The following SPAG16 variants were observed in gnomAD, a reference collection of about 807,000 sequenced individuals.
SPAG16 encodes sperm-associated antigen 16 protein.
Under a neutral mutation model 80.4 loss-of-function variants are expected in SPAG16, and 86 were observed. The observed-to-expected ratio is 1.07, with a 90% CI of 0.90 to 1.28. The LOEUF (loss-of-function observed/expected upper bound fraction) is 1.28. Among genes scored for constraint, SPAG16 ranks in the 50% most tolerant of loss-of-function variants. The pLI, the probability that SPAG16 is intolerant of heterozygous loss-of-function variation, is 0.00. For synonymous variants in SPAG16, 294 were observed against 265.9 expected (o/e 1.11, Z -1.03); for missense variants, 870 against 765.3 (o/e 1.14, Z -1.61).
At chr2:213,403,557 C>G (rs111323860) in intron 9 of SPAG16, among the ~76,000 whole-genome samples, 33,417 of 151,958 alleles carry the variant, frequency 0.22, 4,512 homozygotes, top group Non-Finnish European at 0.31. Flanking sequence ...GGTCGTATCT[C>G]AAAATAATAA....
At chr2:214,177,916 C>CATATATATATATATATACATATATAT (rs2057155018) in intron 15 of SPAG16, among the ~76,000 whole-genome samples, 3 of 92,204 alleles carry the variant, frequency 3.3e-5, no homozygotes, top group African/African-American at 1.4e-4. Context: ...TATATATATA[C>CATATATATATATATATACATATATAT]ATATATATAT....
intron 10 of SPAG16, among the ~76,000 whole-genome samples, chr2:213,540,032 T>TTA (rs1478323202): frequency 1.5e-5 from 2 of 132,708 alleles, no homozygotes; most frequent in African/African-American, 2.7e-5. Flanking sequence ...TTTCTTAATT[T>TTA]TTTTTTTTTT....
At chr2:214,161,307 G>C (rs2056426147) in intron 15 of SPAG16, among the ~76,000 whole-genome samples, 1 of 152,036 alleles carries the variant, frequency 6.6e-6, no homozygotes, top group Non-Finnish European at 1.5e-5. Context: ...TATTCCTTTG[G>C]ATATATACCC....
At chr2:213,406,735 T>C (rs1030466764) in intron 9 of SPAG16, among the ~76,000 whole-genome samples, 2 of 152,104 alleles carry the variant, frequency 1.3e-5, no homozygotes, top group Admixed American at 6.5e-5. Context: ...GAAAATTTTA[T>C]ATGCGAGTGC....
intron 15 of SPAG16, among the ~76,000 whole-genome samples, chr2:214,258,567 C>T (rs954846508): frequency 5.3e-5 from 8 of 150,956 alleles, no homozygotes; most frequent in Admixed American, 5.3e-4. Context: ...CAACTAGTTT[C>T]ATATTTCTGC....
chr2:213,520,072 G>C (rs2075600420), intron 10 of SPAG16, among the ~76,000 whole-genome samples: 1 of 146,236 alleles, frequency 6.8e-6, no homozygotes, highest in Non-Finnish European at 1.5e-5. Flanking sequence ...AGAGGAGAGA[G>C]AGAGAGCAAG....
At position 214,110,594 on chromosome 2, in the gene SPAG16, CAT is replaced by C. The variant is rs556206188; in HGVS notation, c.1593+2336_1593+2337del. 9.9e-5 allele frequency among the ~76,000 whole-genome samples: 15 copies of C among 152,272 alleles called. No individual in the cohort carries two copies. The East Asian group carries it at 2.1e-3, about 22-fold the overall frequency. On this transcript the variant is annotated intron_variant, in intron 14 of 15. Coordinates refer to ENST00000331683, the MANE Select transcript of SPAG16 (RefSeq NM_024532.5). ...CTATTGTGAATAGTGCTGCAATAAA[CAT>C]ATGTGTGCATGCATCTTTAGAGTAG... is the stretch of plus-strand genomic sequence containing the variant.
At chr2:214,083,588 C>T (rs1282639752) in intron 13 of SPAG16, among the ~76,000 whole-genome samples, 2 of 152,154 alleles carry the variant, frequency 1.3e-5, no homozygotes, top group Non-Finnish European at 2.9e-5. Context: ...ACCTCAAGAA[C>T]AGACTCAACT....
chr2:213,917,028 T>C (rs1559585479), intron 11 of SPAG16, among the ~76,000 whole-genome samples: 1 of 152,168 alleles, frequency 6.6e-6, no homozygotes, highest in African/African-American at 2.4e-5. Flanking sequence ...CACATTTTAT[T>C]GAATAGGGAA....
chr2:213,761,865 C>CA (rs2068677761), intron 10 of SPAG16, among the ~76,000 whole-genome samples: 2 of 136,020 alleles, frequency 1.5e-5, no homozygotes, highest in African/African-American at 5.2e-5. Context: ...GATTCCGTGT[C>CA]AAAAAACAAA....
At chr2:213,502,916 T>A (rs1405914612) in intron 10 of SPAG16, among the ~76,000 whole-genome samples, 2 of 152,186 alleles carry the variant, frequency 1.3e-5, no homozygotes, top group Non-Finnish European at 2.9e-5. Context: ...GATGAATGAA[T>A]GAGTTCCTAG....
intron 12 of SPAG16, among the ~76,000 whole-genome samples, chr2:213,952,091 G>T (rs980768986): frequency 6.6e-6 from 1 of 152,072 alleles, no homozygotes; most frequent in African/African-American, 2.4e-5. Flanking sequence ...CCAGTTGGAG[G>T]TACAATGATT....
At chr2:213,475,206 G>C (rs1477827064) in intron 9 of SPAG16, among the ~76,000 whole-genome samples, 1 of 152,046 alleles carries the variant, frequency 6.6e-6, no homozygotes, top group Non-Finnish European at 1.5e-5. Flanking sequence ...CTATATAACT[G>C]TCCGGGTCAT....
chr2:213,607,055 T>C (rs2061288077), intron 10 of SPAG16, among the ~76,000 whole-genome samples: 1 of 152,172 alleles, frequency 6.6e-6, no homozygotes, highest in Non-Finnish European at 1.5e-5. Context: ...AAAGATGATA[T>C]GTTTGGTAGA....
chr2:214,184,579 G>A (rs1008798551), intron 15 of SPAG16, among the ~76,000 whole-genome samples: 5 of 151,994 alleles, frequency 3.3e-5, no homozygotes, highest in African/African-American at 1.2e-4. Context: ...AATATTACCT[G>A]TGCATTACTT....
intron 10 of SPAG16, among the ~76,000 whole-genome samples, chr2:213,622,560 C>T (rs544777544): frequency 1.1e-4 from 17 of 152,274 alleles, no homozygotes; most frequent in Non-Finnish European, 1.8e-4. Context: ...GCTTTCTGTG[C>T]GGTGAGCAGC....
At chr2:214,403,822 A>G (rs1294224808) in intron 15 of SPAG16, among the ~76,000 whole-genome samples, 1 of 152,210 alleles carries the variant, frequency 6.6e-6, no homozygotes, top group Non-Finnish European at 1.5e-5. Flanking sequence ...AGAATGTAAG[A>G]CAAATATATA....
intron 8 of SPAG16, among the ~76,000 whole-genome samples, chr2:213,374,406 G>T (rs1390034168): frequency 6.6e-6 from 1 of 151,920 alleles, no homozygotes; most frequent in Non-Finnish European, 1.5e-5. Context: ...AAATACAAGT[G>T]GAAATATGTG....
intron 15 of SPAG16, among the ~76,000 whole-genome samples, chr2:214,298,329 A>C (rs1168083080): frequency 1.3e-5 from 2 of 152,014 alleles, no homozygotes; most frequent in African/African-American, 4.8e-5. Flanking sequence ...CAAAGTTAGG[A>C]GTCTTTTGGA....
Sources: gnomAD v4.1 joint callset for allele counts (sites outside exome capture counted in the v4.1 genomes callset) on GRCh38, gnomAD v4.1.1 for gene constraint, MANE v1.5 for transcripts, NCBI Gene and HGNC (gene_info 2026-07-23, HGNC 2026-07-21) for gene names.